FAM131B: variants seen among roughly 807,000 people sequenced by gnomAD.
FAM131B encodes the protein family with sequence similarity 131 member B, also known as protein FAM131B.
FAM131B carries 19 observed loss-of-function variants against 42.0 expected under a neutral mutation model. The observed-to-expected ratio is 0.45, with a 90% CI of 0.32 to 0.66. The LOEUF is 0.66. Among genes scored for constraint, FAM131B ranks in the 30% least tolerant of loss-of-function variants. The pLI, the probability that FAM131B is intolerant of heterozygous loss-of-function variation, is 0.05. For synonymous variants in FAM131B, 183 were observed against 177.6 expected, an observed-to-expected ratio of 1.03 and a Z score of -0.24; for missense variants, 370 against 468.4, an observed-to-expected ratio of 0.79 and a Z score of 1.94.
the FAM131B span, among the ~76,000 whole-genome samples, chr7:143,372,769 G>A: frequency 6.6e-6 from 1 of 151,990 alleles, no homozygotes; most frequent in African/African-American, 2.4e-5. Context: ...GACCAGCCTC[G>A]CCGACATGGT....
At chr7:143,380,751 G>C in the FAM131B span, 2 of 985,392 alleles carry the variant, frequency 2.0e-6, no homozygotes, top group South Asian at 4.7e-5. This position sits in a 1 kb window ranked among gnomAD's most constrained non-coding sequence, Gnocchi z 5.0. Context: ...GGGGGTGCTG[G>C]GAGGGAGAAC....
chr7:143,357,071 A>T (rs776008058), intron 6 of FAM131B, 49 bp from the exon 7 acceptor site: 1 of 1,391,404 alleles, frequency 7.2e-7, no homozygotes, highest in Admixed American at 1.7e-5. Flanking sequence ...TGTCAAGGGC[A>T]GGAATGACAG....
At position 143,358,525 on chromosome 7, in the gene FAM131B, AT is replaced by A. The variant is rs1160817489; in HGVS notation, c.466+301del. ...TTCTTTCAAAGACCAAGGTCTCCCC[AT>A]TTTTTTCCCTGCACTTGAGGGAGTT... On this transcript the variant is annotated intron_variant, in intron 5 of 6. Coordinates refer to ENST00000443739, the MANE Select transcript of FAM131B (RefSeq NM_001031690.3). This position sits in a 1 kb window ranked among gnomAD's most constrained non-coding sequence, Gnocchi z 4.7. 6.6e-6 allele frequency among the ~76,000 whole-genome samples: 1 copy of A among 151,900 alleles called. No individual in the cohort carries two copies. Among genetic ancestry groups the A allele is most frequent in the Non-Finnish European group, 1.5e-5 (1 of 67,990 alleles).
At chr7:143,369,982 C>T in the FAM131B span, among the ~76,000 whole-genome samples, 1 of 152,162 alleles carries the variant, frequency 6.6e-6, no homozygotes, top group African/African-American at 2.4e-5. Flanking sequence ...CAGGAAGGTC[C>T]AAAGGACACT....
At chr7:143,380,530 C>G in the FAM131B span, 2 of 985,386 alleles carry the variant, frequency 2.0e-6, no homozygotes, top group African/African-American at 3.5e-5. This position sits in a 1 kb window ranked among gnomAD's most constrained non-coding sequence, Gnocchi z 5.0. Flanking sequence ...GTCTCCAGTC[C>G]GCAGGCGGCC....
rs1210976381 is a variant in FAM131B at position 143,354,826 on chromosome 7, A to C, written c.*1724T>G. ...GCCCTGCTTGCATCCCAGAAGTGTG[A>C]GTAAGAGAGTATGAACTTGATGGCG... On this transcript the variant is annotated 3_prime_UTR_variant, in exon 7 of 7. Transcript: ENST00000443739. The C allele has an allele frequency of 6.6e-6, 1 of 152,306 alleles. No individual in the cohort carries two copies. The highest frequency in any genetic ancestry group is 6.5e-5 in the Admixed American group (1 of 15,276). 9.4% of individuals were successfully genotyped at this position (152,306 alleles called of 1,614,324 possible). A position where few individuals can be genotyped will look rare whatever the true frequency, so the allele number is the denominator to read the frequency against.
chr7:143,368,226 A>G, the FAM131B span, among the ~76,000 whole-genome samples: 1 of 152,246 alleles, frequency 6.6e-6, no homozygotes. Context: ...ACCATGAGTC[A>G]GAGGCCAGGT....
chr7:143,363,714 C>T (rs1309114384), upstream of FAM131B, among the ~76,000 whole-genome samples: 1 of 152,110 alleles, frequency 6.6e-6, no homozygotes, highest in Non-Finnish European at 1.5e-5. Context: ...CCCAGAAAGC[C>T]CAAAGTGTGA....
rs1804024586 is a variant in FAM131B, at chr7:143,362,031, C to T, written c.28+545G>A. On this transcript the variant is annotated intron_variant, in intron 1 of 6. Transcript: ENST00000443739. This position sits in a 1 kb window ranked among gnomAD's most constrained non-coding sequence, Gnocchi z 7.7. ...GAAAACGCACGTGAACAAAGCGAATCGGAGGAGGCAGGAACGACAGTAAAA... is the reference window on the plus strand; with the variant it reads ...GAAAACGCACGTGAACAAAGCGAATTGGAGGAGGCAGGAACGACAGTAAAA... The T allele has an allele frequency of 6.1e-6, 6 of 980,840 alleles. No homozygotes were observed. Among genetic ancestry groups the T allele is most frequent in the Non-Finnish European group, 7.3e-6 (6 of 825,954 alleles). The allele number at this position is 980,840 out of a possible 1,614,324, so 60.8% of individuals were successfully genotyped here.
chr7:143,378,874 C>T, the FAM131B span, among the ~76,000 whole-genome samples: 1 of 152,234 alleles, frequency 6.6e-6, no homozygotes, highest in Non-Finnish European at 1.5e-5. Flanking sequence ...CTGCGCCCAG[C>T]CCATTGTCTT....
the FAM131B span, among the ~76,000 whole-genome samples, chr7:143,375,288 A>G: frequency 6.6e-6 from 1 of 152,172 alleles, no homozygotes; most frequent in Non-Finnish European, 1.5e-5. Flanking sequence ...TCTTAGGCAC[A>G]CTGGAACAAC....
rs1309677723 is a variant in FAM131B at position 143,353,906 on chromosome 7, G to C, written c.*2644C>G. ...AAAAGAAAATCATTTAGCAAGAGCA[G>C]TTTCATTCACAAGAATATAAAAACA... On this transcript the variant is annotated 3_prime_UTR_variant, in exon 7 of 7. Transcript: ENST00000443739. The C allele has an allele frequency of 6.6e-6, 1 of 150,844 alleles. No homozygotes were observed. The highest frequency in any genetic ancestry group is 1.5e-5 in the Non-Finnish European group (1 of 67,824). 9.3% of individuals were successfully genotyped at this position (150,844 alleles called of 1,614,324 possible).
At chr7:143,380,787 G>GA in the FAM131B span, 1 of 984,952 alleles carries the variant, frequency 1.0e-6, no homozygotes. This position sits in a 1 kb window ranked among gnomAD's most constrained non-coding sequence, Gnocchi z 5.0. Flanking sequence ...CCCCATCCCC[G>GA]TGCACCCTGG....
At position 143,359,842 on chromosome 7, in the gene FAM131B, G is replaced by T; in HGVS notation, c.139-75C>A. The T allele has an allele frequency of 7.0e-7, 1 of 1,424,674 alleles. No individual in the cohort carries two copies. The highest frequency in any genetic ancestry group is 9.7e-7 in the Non-Finnish European group (1 of 1,033,478). The allele number at this position is 1,424,674 out of a possible 1,614,324, so 88.3% of individuals were successfully genotyped here. The stretch of plus-strand genomic sequence containing the variant: ...GCAAGGAAGCCCCCTTCCTCAGAGG[G>T]CCTTCCAGGAGTGCGGGATGTGGGG... On this transcript the variant is annotated intron_variant, in intron 2 of 6. Coordinates refer to ENST00000443739, the MANE Select transcript of FAM131B (RefSeq NM_001031690.3). This position sits in a 1 kb window ranked among gnomAD's most constrained non-coding sequence, Gnocchi z 5.4.
chr7:143,381,569 G>A, the FAM131B span: 12 of 1,609,380 alleles, frequency 7.5e-6, no homozygotes, highest in African/African-American at 1.6e-4. Context: ...GCCCGGCCCG[G>A]CCATGGCGGC....
the FAM131B span, chr7:143,380,670 T>C: frequency 1.0e-6 from 1 of 985,118 alleles, no homozygotes; most frequent in East Asian, 1.1e-4. The surrounding 1 kb of genome is among the most constrained non-coding windows in gnomAD (Gnocchi z 5.0). Flanking sequence ...CTGCCCAGCG[T>C]TGGAAGTTCG....
At chr7:143,381,197 G>A in the FAM131B span, 2 of 995,958 alleles carry the variant, frequency 2.0e-6, no homozygotes, top group African/African-American at 3.5e-5. Flanking sequence ...TTCCTGCCTG[G>A]TCCGCCCTTC....
At chr7:143,381,769 G>C in the FAM131B span, 1 of 1,574,782 alleles carries the variant, frequency 6.4e-7, no homozygotes, top group Non-Finnish European at 8.6e-7. Context: ...TTCCCCCGCC[G>C]CCCCCGGAAG....
chr7:143,362,781 C>CGCT (rs1428650108), upstream of FAM131B: 2 of 198,680 alleles, frequency 1.0e-5, no homozygotes, highest in African/African-American at 2.4e-5. This position sits in a 1 kb window ranked among gnomAD's most constrained non-coding sequence, Gnocchi z 7.7. Flanking sequence ...CCGCCGCCGC[C>CGCT]GCCGCCGCCG....
Sources: gnomAD v4.1 joint callset for allele counts (sites outside exome capture counted in the v4.1 genomes callset) on GRCh38, gnomAD v4.1.1 for gene constraint, Gnocchi (gnomAD v3.1) non-coding constraint, MANE v1.5 for transcripts, NCBI Gene and HGNC (gene_info 2026-07-23, HGNC 2026-07-21) for gene names.